RAD51B: variants seen among roughly 807,000 people sequenced by gnomAD.
RAD51B encodes the protein RAD51 paralog B.
In RAD51B, 38 loss-of-function variants were observed where a neutral mutation model predicts 42.2. That is an observed-to-expected ratio of 0.90 (90% CI 0.70 to 1.18). The LOEUF (loss-of-function observed/expected upper bound fraction) is 1.18. Among genes scored for constraint, RAD51B ranks in the 50% most tolerant of loss-of-function variants. RAD51B has a pLI of 0.00. For missense variants in RAD51B, 373 were observed against 400.7 expected (o/e 0.93, Z 0.59); for synonymous variants, 154 against 145.2 (o/e 1.06, Z -0.43).
intron 7 of RAD51B, among the ~76,000 whole-genome samples, chr14:68,007,516 T>A (rs1732730567): frequency 6.6e-6 from 1 of 151,970 alleles, no homozygotes; most frequent in Non-Finnish European, 1.5e-5. Context: ...CGCTTTTTAT[T>A]TTCCTTACAA....
intron 7 of RAD51B, among the ~76,000 whole-genome samples, chr14:68,045,508 C>A (rs2076286923): frequency 6.6e-6 from 1 of 152,060 alleles, no homozygotes; most frequent in Non-Finnish European, 1.5e-5. Context: ...GTGAATAATA[C>A]TTCCTGCCAA....
chr14:68,131,150 A>G (rs2077882586), intron 7 of RAD51B, among the ~76,000 whole-genome samples: 1 of 152,214 alleles, frequency 6.6e-6, no homozygotes, highest in Non-Finnish European at 1.5e-5. Flanking sequence ...AAAGTCAGTG[A>G]CAACCATATC....
intron 5 of RAD51B, among the ~76,000 whole-genome samples, chr14:67,875,966 T>G (rs2042712665): frequency 6.6e-6 from 1 of 152,234 alleles, no homozygotes; most frequent in South Asian, 2.1e-4. Context: ...TAATCATTTT[T>G]TTGAGATAGT....
chr14:68,651,041 T>A (rs1023236682), intron 11 of RAD51B, among the ~76,000 whole-genome samples: 1 of 152,228 alleles, frequency 6.6e-6, no homozygotes, highest in African/African-American at 2.4e-5. Flanking sequence ...TAACTGAAGT[T>A]TCTAAATATG....
rs575466519 is a variant in RAD51B at position 67,846,337 on chromosome 14, C to T, written c.315+11141C>T. Among the ~76,000 whole-genome samples the T allele has an allele frequency of 4.6e-5, 7 of 152,158 alleles. No homozygotes were observed. The South Asian group carries it at 8.3e-4, about 18-fold the overall frequency. On this transcript the variant is annotated intron_variant, in intron 4 of 10. Transcript: ENST00000471583. ...CGTGTGGGTTGCTGTCCTCCGTATG[C>T]GCGTTTGCAGTGGCAATGGCCACGC...
At chr14:68,452,133 G>A (rs890363009) in intron 9 of RAD51B, among the ~76,000 whole-genome samples, 13 of 152,162 alleles carry the variant, frequency 8.5e-5, no homozygotes, top group Admixed American at 1.3e-4. Flanking sequence ...TGCCTAACTG[G>A]ATATACAGAG....
intron 10 of RAD51B, among the ~76,000 whole-genome samples, chr14:68,589,213 C>T (rs1251201847): frequency 6.6e-6 from 1 of 152,198 alleles, no homozygotes; most frequent in Non-Finnish European, 1.5e-5. Flanking sequence ...TAAATGGTAG[C>T]TGCCATTTTT....
chr14:67,886,945 C>CTA (rs1303495690), intron 6 of RAD51B, 76 bp from the exon 7 acceptor site: 6 of 953,016 alleles, frequency 6.3e-6, no homozygotes, highest in Non-Finnish European at 9.0e-6. Flanking sequence ...TTTTAAGTTG[C>CTA]TTAGCCTTTG....
At chr14:68,025,476 CTTTTTTTTT>C (rs765471138) in intron 7 of RAD51B, among the ~76,000 whole-genome samples, 2 of 40,972 alleles carry the variant, frequency 4.9e-5, no homozygotes, top group East Asian at 1.6e-3. Flanking sequence ...CTGGTCTAGG[CTTTTTTTTT>C]TTTTTTTTTT....
At chr14:68,465,042 A>G (rs1490460129) in intron 9 of RAD51B, among the ~76,000 whole-genome samples, 1 of 152,186 alleles carries the variant, frequency 6.6e-6, no homozygotes, top group Non-Finnish European at 1.5e-5. Flanking sequence ...CTCAGATGCC[A>G]TTCTTGTGTC....
intron 11 of RAD51B, among the ~76,000 whole-genome samples, chr14:68,667,430 AAT>A (rs879519767): frequency 0.084 from 12,753 of 152,116 alleles, 600 homozygotes; most frequent in Middle Eastern, 0.13. Context: ...GCTGGTTGTA[AAT>A]GTTGACTTTA....
At chr14:67,915,753 G>A (rs1209866085) in intron 7 of RAD51B, among the ~76,000 whole-genome samples, 1 of 152,100 alleles carries the variant, frequency 6.6e-6, no homozygotes, top group East Asian at 1.9e-4. Flanking sequence ...TGTTAGTATT[G>A]TCTAAAGTTA....
chr14:68,470,267 A>C (rs114845563), intron 10 of RAD51B, among the ~76,000 whole-genome samples: 3,011 of 152,082 alleles, frequency 0.02, 95 homozygotes, highest in African/African-American at 0.069. Flanking sequence ...TCTCTATCCC[A>C]CTCCCCCAAG....
chr14:68,253,672 CATT>C (rs1224028687), intron 7 of RAD51B, among the ~76,000 whole-genome samples: 3 of 152,022 alleles, frequency 2.0e-5, no homozygotes, highest in Non-Finnish European at 4.4e-5. Flanking sequence ...GAAAAGTTTC[CATT>C]ATTATTACTA....
intron 4 of RAD51B, among the ~76,000 whole-genome samples, chr14:67,840,726 T>G (rs1227040893): frequency 6.6e-6 from 1 of 152,222 alleles, no homozygotes; most frequent in Admixed American, 6.5e-5. Context: ...GCACAGTGAT[T>G]GAACTAATTT....
At chr14:68,042,305 T>C (rs544053558) in intron 7 of RAD51B, among the ~76,000 whole-genome samples, 4 of 152,344 alleles carry the variant, frequency 2.6e-5, no homozygotes, top group Middle Eastern at 3.4e-3. Flanking sequence ...GGTGGCCAGA[T>C]ACAGGTCATA....
chr14:67,940,653 T>C (rs2140180627), intron 7 of RAD51B, among the ~76,000 whole-genome samples: 1 of 152,284 alleles, frequency 6.6e-6, no homozygotes, highest in East Asian at 1.9e-4. Context: ...ATATAAGTTC[T>C]CATTACCTCA....
At chr14:68,444,806 G>T (rs996197988) in intron 9 of RAD51B, among the ~76,000 whole-genome samples, 1 of 152,144 alleles carries the variant, frequency 6.6e-6, no homozygotes, top group African/African-American at 2.4e-5. Flanking sequence ...TTCTGGTGAT[G>T]GGGGGGCATA....
chr14:67,823,510 C>G, intron 1 of RAD51B, 32 bp from the exon 2 acceptor site: 1 of 1,586,022 alleles, frequency 6.3e-7, no homozygotes, highest in Non-Finnish European at 8.6e-7. Context: ...TTGTTTTTTT[C>G]ATGGTTCTTC....
Sources: gnomAD v4.1 joint callset for allele counts (sites outside exome capture counted in the v4.1 genomes callset) on GRCh38, gnomAD v4.1.1 for gene constraint, MANE v1.5 for transcripts, NCBI Gene and HGNC (gene_info 2026-07-23, HGNC 2026-07-21) for gene names.